Variants in NFIB observed in about 807,000 individuals in gnomAD.
The protein encoded by NFIB is nuclear factor I B.
A neutral mutation model predicts 61.5 loss-of-function variants in NFIB; 11 were observed. The observed-to-expected ratio is 0.18, with a 90% CI of 0.11 to 0.30. The LOEUF is 0.30. Ranked by LOEUF, NFIB falls within the 10% of genes least tolerant of loss-of-function variation. The pLI is 1.00. For synonymous variants in NFIB, 260 were observed against 216.5 expected (o/e 1.20, Z -1.76); for missense variants, 471 against 608.9 (o/e 0.77, Z 2.38).
intron 2 of NFIB, among the ~76,000 whole-genome samples, chr9:14,216,583 T>G (rs940114803): frequency 1.4e-5 from 2 of 138,760 alleles, no homozygotes; most frequent in Non-Finnish European, 3.1e-5. Context: ...TGTGTGTGTG[T>G]GTGTGTGTAG....
the NFIB span, among the ~76,000 whole-genome samples, chr9:14,462,689 G>C: frequency 6.6e-6 from 1 of 152,160 alleles, no homozygotes; most frequent in African/African-American, 2.4e-5. Flanking sequence ...AGAGTTCTTA[G>C]TTAAAGTGAC....
At chr9:14,265,325 C>G (rs2057106340) in intron 2 of NFIB, among the ~76,000 whole-genome samples, 1 of 152,090 alleles carries the variant, frequency 6.6e-6, no homozygotes, top group African/African-American at 2.4e-5. Context: ...CAGAACAGGG[C>G]CTTCATATTT....
chr9:14,378,775 G>A (rs1036027875), intron 1 of NFIB, among the ~76,000 whole-genome samples: 2 of 152,312 alleles, frequency 1.3e-5, no homozygotes, highest in African/African-American at 4.8e-5. Context: ...AATGAGGTAA[G>A]CATAGGACCG....
At chr9:14,454,363 T>C in the NFIB span, among the ~76,000 whole-genome samples, 3 of 152,248 alleles carry the variant, frequency 2.0e-5, no homozygotes, top group Non-Finnish European at 4.4e-5. Flanking sequence ...GTGCTAATTC[T>C]GCTCATCTTG....
At position 14,083,975 on chromosome 9, in the gene NFIB, T is replaced by C. The variant is rs926085393; in HGVS notation, c.*4334A>G. ...GTATATACTAATAAAAAGACAGTGG[T>C]GCTTCGACATTCTGAAATGCTCTGG... On this transcript the variant is annotated 3_prime_UTR_variant, in exon 11 of 11. Coordinates refer to ENST00000380953, the MANE Select transcript of NFIB (RefSeq NM_001190737.2). 1 of 218,848 alleles carries C rather than the reference T, an allele frequency of 4.6e-6. No homozygotes were observed. Among genetic ancestry groups the C allele is most frequent in the African/African-American group, 2.2e-5 (1 of 44,638 alleles). 13.6% of individuals were successfully genotyped at this position (218,848 alleles called of 1,614,324 possible). A position where few individuals can be genotyped will look rare whatever the true frequency, so the allele number is the denominator to read the frequency against.
At chr9:14,428,677 C>G in the NFIB span, among the ~76,000 whole-genome samples, 1 of 152,084 alleles carries the variant, frequency 6.6e-6, no homozygotes, top group African/African-American at 2.4e-5. Flanking sequence ...AATTTTCTGC[C>G]TCAAAGCCTT....
intron 2 of NFIB, among the ~76,000 whole-genome samples, chr9:14,203,777 T>C (rs2131648164): frequency 6.6e-6 from 1 of 152,320 alleles, no homozygotes; most frequent in South Asian, 2.1e-4. Context: ...TAAAGCTGCT[T>C]GAAAAACTAA....
chr9:14,449,812 C>T, the NFIB span, among the ~76,000 whole-genome samples: 1 of 151,872 alleles, frequency 6.6e-6, no homozygotes, highest in Non-Finnish European at 1.5e-5. Context: ...TGCATGCCTG[C>T]AGTCCCAACT....
At chr9:14,286,659 T>C (rs951682553) in intron 2 of NFIB, among the ~76,000 whole-genome samples, 1 of 152,218 alleles carries the variant, frequency 6.6e-6, no homozygotes, top group Non-Finnish European at 1.5e-5. Context: ...AATTGGGTAA[T>C]TCTTCTTAAA....
At chr9:14,388,169 C>T (rs72700545) in intron 1 of NFIB, among the ~76,000 whole-genome samples, 7,326 of 152,068 alleles carry the variant, frequency 0.048, 198 homozygotes, top group Non-Finnish European at 0.066. Flanking sequence ...ATATTAATAG[C>T]TTGAATTACA....
intron 2 of NFIB, among the ~76,000 whole-genome samples, chr9:14,220,129 CT>C (rs2051463530): frequency 6.6e-6 from 1 of 152,204 alleles, no homozygotes; most frequent in African/African-American, 2.4e-5. Flanking sequence ...CGTCCACCTC[CT>C]TTCCAAGTGG....
At chr9:14,420,476 T>C in the NFIB span, among the ~76,000 whole-genome samples, 3 of 111,022 alleles carry the variant, frequency 2.7e-5, no homozygotes, top group South Asian at 2.9e-4. Context: ...AAAAAGATGC[T>C]ATCAAAGAAA....
At chr9:14,154,398 C>CA (rs753823859) in intron 4 of NFIB, among the ~76,000 whole-genome samples, 2 of 152,154 alleles carry the variant, frequency 1.3e-5, no homozygotes, top group Non-Finnish European at 2.9e-5. Flanking sequence ...GGAAGACACA[C>CA]ACACCCCTTC....
In NFIB at chr9:14,250,635, T is replaced by C. The variant is rs181074299; in HGVS notation, c.562+56354A>G. 5.9e-4 allele frequency among the ~76,000 whole-genome samples: 90 copies of C among 152,362 alleles called. 1 individual carries two copies. Among genetic ancestry groups the C allele is most frequent in the African/African-American group, 2.1e-3 (86 of 41,586 alleles). On this transcript the variant is annotated intron_variant, in intron 2 of 10. Transcript: ENST00000380953. ...ATAGTTACCTAGAGAAAAGAGAGTATGCCTTAGGAAATATTCCAGTTTAAA... is the reference window on the plus strand; with the variant it reads ...ATAGTTACCTAGAGAAAAGAGAGTACGCCTTAGGAAATATTCCAGTTTAAA...
intron 10 of NFIB, among the ~76,000 whole-genome samples, chr9:14,108,648 G>A (rs1346425269): frequency 1.3e-5 from 2 of 152,020 alleles, no homozygotes; most frequent in African/African-American, 2.4e-5. Flanking sequence ...ACTGTGAGAA[G>A]TAATGCAAAG....
At chr9:14,515,443 CT>C in the NFIB span, among the ~76,000 whole-genome samples, 2 of 152,164 alleles carry the variant, frequency 1.3e-5, no homozygotes, top group African/African-American at 4.8e-5. Context: ...CATTAATCAA[CT>C]TTTCCACTAA....
At chr9:14,507,288 G>A in the NFIB span, among the ~76,000 whole-genome samples, 5 of 152,216 alleles carry the variant, frequency 3.3e-5, no homozygotes, top group East Asian at 1.9e-4. Context: ...ATTCTTTGAG[G>A]GAGCGTGATA....
At chr9:14,364,281 T>C (rs752567114) in intron 1 of NFIB, among the ~76,000 whole-genome samples, 1 of 151,980 alleles carries the variant, frequency 6.6e-6, no homozygotes. Flanking sequence ...GCCTGTGGAG[T>C]TTTTTTGGCT....
Position 14,385,080 on chromosome 9 carries a change from C to G in NFIB, c.108+13444G>C, listed in dbSNP as rs141185041. Among the ~76,000 whole-genome samples the G allele has an allele frequency of 5.8e-4, 89 of 152,324 alleles. 1 individual carries two copies. Among genetic ancestry groups the G allele is most frequent in the Middle Eastern group, 3.4e-3 (1 of 294 alleles). On this transcript the variant is annotated intron_variant, in intron 1 of 8. Coordinates refer to the NFIB transcript ENST00000380934. The stretch of plus-strand genomic sequence containing the variant: ...TAGCTAAAGTTCTTGGACTCAAACT[C>G]CTAGCAAGAGCTAACAATCCTCAGG...
Sources: gnomAD v4.1 joint callset for allele counts (sites outside exome capture counted in the v4.1 genomes callset) on GRCh38, gnomAD v4.1.1 for gene constraint, MANE v1.5 for transcripts, NCBI Gene and HGNC (gene_info 2026-07-23, HGNC 2026-07-21) for gene names.